TRPM3: variants seen among roughly 807,000 people sequenced by gnomAD.
The protein encoded by TRPM3 is transient receptor potential cation channel subfamily M member 3.
Under a neutral mutation model 181.2 loss-of-function variants are expected in TRPM3, and 77 were observed. The observed-to-expected ratio is 0.42, with a 90% CI of 0.35 to 0.51. The LOEUF is 0.51. Ranked by LOEUF, TRPM3 falls within the 20% of genes least tolerant of loss-of-function variation. The probability of loss-of-function intolerance (pLI) is 0.01; values close to 1 mark genes in which losing one functional copy is unlikely to be tolerated. For synonymous variants in TRPM3, 745 were observed against 796.4 expected (o/e 0.94, Z 1.09); for missense variants, 1,759 against 2,196.7 (o/e 0.80, Z 3.98).
chr9:71,417,038 A>G (rs2093647124), intron 1 of TRPM3, among the ~76,000 whole-genome samples: 1 of 151,948 alleles, frequency 6.6e-6, no homozygotes. Context: ...TTCATTGTAG[A>G]GATATATCAC....
chr9:70,922,282 C>A (rs534651112), intron 1 of TRPM3, among the ~76,000 whole-genome samples: 11 of 152,192 alleles, frequency 7.2e-5, no homozygotes, highest in Non-Finnish European at 1.3e-4. Flanking sequence ...AACAATATCA[C>A]CCCTCCCCAC....
At chr9:70,540,013 A>T (rs147713068) in intron 25 of TRPM3, among the ~76,000 whole-genome samples, 5 of 151,964 alleles carry the variant, frequency 3.3e-5, no homozygotes, top group Admixed American at 3.3e-4. Context: ...TTTTTGAAAC[A>T]TTTTTTATAG....
intron 1 of TRPM3, among the ~76,000 whole-genome samples, chr9:71,093,155 C>T (rs555023691): frequency 2.6e-5 from 4 of 152,164 alleles, no homozygotes; most frequent in African/African-American, 9.6e-5. Context: ...TAGGCAATAC[C>T]ATTCCGGACA....
At position 71,302,291 on chromosome 9, in the gene TRPM3, C is replaced by T. The variant is rs139782407; in HGVS notation, c.183+144362G>A. Among the ~76,000 whole-genome samples, 1,171 of 152,246 alleles carry T rather than the reference C, an allele frequency of 7.7e-3. 22 individuals carry two copies. The highest frequency in any genetic ancestry group is 0.027 in the African/African-American group (1,121 of 41,546). On this transcript the variant is annotated intron_variant, in intron 1 of 24. Coordinates refer to the TRPM3 transcript ENST00000357533. ...TGCTGATAAATATTAGTAAATACTTCATTTATCCTCATCACCTACTATTTT... is the reference window on the plus strand; with the variant it reads ...TGCTGATAAATATTAGTAAATACTTTATTTATCCTCATCACCTACTATTTT...
chr9:71,434,772 T>C (rs1029209919), intron 1 of TRPM3, among the ~76,000 whole-genome samples: 1 of 151,598 alleles, frequency 6.6e-6, no homozygotes, highest in African/African-American at 2.4e-5. Flanking sequence ...TTTTGAAGAC[T>C]GTGTTAAATT....
Position 71,330,164 on chromosome 9 carries a change from G to A in TRPM3, c.183+116489C>T, listed in dbSNP as rs1017106285. 3.7e-4 allele frequency among the ~76,000 whole-genome samples: 56 copies of A among 151,674 alleles called. 1 individual carries two copies. The highest frequency in any genetic ancestry group is 1.3e-3 in the African/African-American group (55 of 41,248). On this transcript the variant is annotated intron_variant, in intron 1 of 24. Transcript: ENST00000357533. Reference sequence around the variant, plus strand: ...CCTGCAGGCGGCTCTTGTGTTTGTCGGACCACACACAGGAACATCTCCCTA... The same window carrying A: ...CCTGCAGGCGGCTCTTGTGTTTGTCAGACCACACACAGGAACATCTCCCTA...
Position 71,237,918 on chromosome 9 carries a change from G to A in TRPM3, c.183+208735C>T, listed in dbSNP as rs575676363. 7.9e-5 allele frequency among the ~76,000 whole-genome samples: 12 copies of A among 152,218 alleles called. No individual in the cohort carries two copies. In the South Asian group the frequency reaches 2.5e-3, roughly 32 times the overall value. ...TAAGGGCCTTAATCCTGTTAATTAG[G>A]AAGATTCCCTCATAGTCCTCATTCC... On this transcript the variant is annotated intron_variant, in intron 1 of 24. Transcript: ENST00000357533.
intron 1 of TRPM3, among the ~76,000 whole-genome samples, chr9:71,413,362 GTGTCTAT>G (rs1403288525): frequency 3.9e-5 from 6 of 151,964 alleles, no homozygotes; most frequent in Non-Finnish European, 4.4e-5. Flanking sequence ...AATATCGAAA[GTGTCTAT>G]TATTCTTTTT....
At chr9:70,831,732 G>C (rs1180159336) in intron 5 of TRPM3, among the ~76,000 whole-genome samples, 1 of 151,210 alleles carries the variant, frequency 6.6e-6, no homozygotes, top group Non-Finnish European at 1.5e-5. Flanking sequence ...AAATACAGTA[G>C]TATGATGGGT....
intron 1 of TRPM3, among the ~76,000 whole-genome samples, chr9:71,266,983 C>A (rs1194730436): frequency 6.6e-6 from 1 of 151,350 alleles, no homozygotes; most frequent in Non-Finnish European, 1.5e-5. Context: ...AAATGTCATA[C>A]CAAATGACAA....
intron 1 of TRPM3, among the ~76,000 whole-genome samples, chr9:70,922,547 T>G (rs1477713453): frequency 1.3e-5 from 2 of 152,226 alleles, no homozygotes; most frequent in Admixed American, 1.3e-4. Flanking sequence ...TTTGTACCTC[T>G]GCAGGTCTTC....
At chr9:70,946,998 A>T (rs535461855) in intron 1 of TRPM3, among the ~76,000 whole-genome samples, 1 of 152,312 alleles carries the variant, frequency 6.6e-6, no homozygotes, top group South Asian at 2.1e-4. Flanking sequence ...CCTAGATTTA[A>T]GCTATTACAA....
chr9:71,190,816 G>A (rs2077974567), intron 1 of TRPM3, among the ~76,000 whole-genome samples: 1 of 151,716 alleles, frequency 6.6e-6, no homozygotes, highest in Admixed American at 6.6e-5. Context: ...TATTCACCTG[G>A]GCAACGTCCT....
At chr9:71,295,635 G>C (rs566872011) in intron 1 of TRPM3, among the ~76,000 whole-genome samples, 2 of 150,290 alleles carry the variant, frequency 1.3e-5, no homozygotes, top group South Asian at 4.2e-4. Flanking sequence ...TTCCAGACCA[G>C]CCAGCTCAAC....
intron 1 of TRPM3, among the ~76,000 whole-genome samples, chr9:71,277,221 G>T (rs1213112962): frequency 1.3e-5 from 2 of 152,152 alleles, no homozygotes; most frequent in African/African-American, 2.4e-5. Flanking sequence ...TGCACAGAAA[G>T]GAAGACGCAA....
chr9:71,309,080 G>C (rs1265611615), intron 1 of TRPM3, among the ~76,000 whole-genome samples: 1 of 152,162 alleles, frequency 6.6e-6, no homozygotes, highest in Non-Finnish European at 1.5e-5. Flanking sequence ...ACAGGACATA[G>C]TGGGAGATAC....
At chr9:71,446,610 G>A (rs1563941984) in intron 1 of TRPM3, 4 of 1,536,710 alleles carry the variant, frequency 2.6e-6, no homozygotes, top group Non-Finnish European at 3.5e-6. Flanking sequence ...CGTGCGAAGG[G>A]AGAAAAGAAA....
At chr9:70,553,121 G>A in intron 23 of TRPM3, 39 bp downstream of exon 23, 1 of 1,613,896 alleles carries the variant, frequency 6.2e-7, no homozygotes, top group Non-Finnish European at 8.5e-7. Flanking sequence ...CACCCCTGCT[G>A]TCCTCATCCA....
chr9:71,344,036 A>AGATTAGATTAGATTG (rs1225459557), intron 1 of TRPM3, among the ~76,000 whole-genome samples: 1 of 152,028 alleles, frequency 6.6e-6, no homozygotes, highest in Admixed American at 6.6e-5. Flanking sequence ...AGATTAGATT[A>AGATTAGATTAGATTG]GATTAGATTA....
Sources: gnomAD v4.1 joint callset for allele counts (sites outside exome capture counted in the v4.1 genomes callset) on GRCh38, gnomAD v4.1.1 for gene constraint, MANE v1.5 for transcripts, NCBI Gene and HGNC (gene_info 2026-07-23, HGNC 2026-07-21) for gene names.